CLPTM1: variants seen among roughly 807,000 people sequenced by gnomAD.
The protein encoded by CLPTM1 is CLPTM1 regulator of GABA type A receptor forward trafficking.
Under a neutral mutation model 77.3 loss-of-function variants are expected in CLPTM1, and 21 were observed. That is an observed-to-expected ratio of 0.27 (90% CI 0.19 to 0.39). CLPTM1 has a LOEUF of 0.39. CLPTM1 is among the 10% of genes least tolerant of loss of function. CLPTM1 has a pLI of 1.00. For synonymous variants in CLPTM1, 373 were observed against 381.0 expected, an observed-to-expected ratio of 0.98 and a Z score of 0.24; for missense variants, 642 against 921.2, an observed-to-expected ratio of 0.70 and a Z score of 3.92.
intron 2 of CLPTM1, among the ~76,000 whole-genome samples, chr19:44,972,301 G>A (rs1158587814): frequency 6.6e-6 from 1 of 151,100 alleles, no homozygotes; most frequent in Non-Finnish European, 1.5e-5. Flanking sequence ...AGGCTGGAGT[G>A]CAGTGGCGCG....
chr19:44,988,578 A>G (rs1971020357), intron 9 of CLPTM1, among the ~76,000 whole-genome samples: 1 of 152,164 alleles, frequency 6.6e-6, no homozygotes, highest in African/African-American at 2.4e-5. Flanking sequence ...CTGTCCCCCA[A>G]AGGTCCCTAG....
Position 44,992,468 on chromosome 19 carries a change from G to C in CLPTM1, c.1723+68G>C. On this transcript the variant is annotated intron_variant, in intron 13 of 13. Coordinates refer to ENST00000337392, the MANE Select transcript of CLPTM1 (RefSeq NM_001294.4). This position sits in a 1 kb window ranked among gnomAD's most constrained non-coding sequence, Gnocchi z 7.7. ...CCCTGAGGCAGTCTTTAGGGCCCAG[G>C]CCTGAGGGGGTGCCACGGCCCCAGA... 6.2e-7 allele frequency: 1 copy of C among 1,600,380 alleles called. No individual in the cohort carries two copies. Among genetic ancestry groups the C allele is most frequent in the African/African-American group, 1.3e-5 (1 of 74,696 alleles).
chr19:44,977,130 A>G (rs1165240182), intron 4 of CLPTM1, among the ~76,000 whole-genome samples: 1 of 152,124 alleles, frequency 6.6e-6, no homozygotes, highest in Non-Finnish European at 1.5e-5. Flanking sequence ...AGCTGAGCTC[A>G]CACGGCCATG....
chr19:44,967,084 A>G (rs1367889934), intron 2 of CLPTM1, among the ~76,000 whole-genome samples: 1 of 152,100 alleles, frequency 6.6e-6, no homozygotes, highest in Non-Finnish European at 1.5e-5. Flanking sequence ...CTCGCTATCC[A>G]CGCACCTCGG....
At chr19:44,966,952 C>T (rs1204952711) in intron 2 of CLPTM1, among the ~76,000 whole-genome samples, 2 of 152,108 alleles carry the variant, frequency 1.3e-5, no homozygotes, top group Non-Finnish European at 2.9e-5. Flanking sequence ...CGCCATTCTC[C>T]TGCCTCAGCC....
At chr19:44,967,408 C>T (rs957467330) in intron 2 of CLPTM1, among the ~76,000 whole-genome samples, 1 of 152,136 alleles carries the variant, frequency 6.6e-6, no homozygotes, top group South Asian at 2.1e-4. Flanking sequence ...CCTGTAATCC[C>T]AGCACTTTGG....
chr19:44,958,836 A>G (rs561095365), intron 1 of CLPTM1, among the ~76,000 whole-genome samples: 90 of 152,268 alleles, frequency 5.9e-4, no homozygotes, highest in African/African-American at 1.1e-3. Flanking sequence ...GCTGCTCCCA[A>G]TCCTAGGCAG....
intron 3 of CLPTM1, among the ~76,000 whole-genome samples, chr19:44,973,551 T>C (rs1469640674): frequency 6.6e-6 from 1 of 150,740 alleles, no homozygotes; most frequent in African/African-American, 2.4e-5. Flanking sequence ...GTGTGAGAGG[T>C]GGGGAGGGCA....
At position 44,992,425 on chromosome 19, in the gene CLPTM1, G is replaced by T. The variant is rs375008448; in HGVS notation, c.1723+25G>T. 4 of 1,613,408 alleles carry T rather than the reference G, an allele frequency of 2.5e-6. No homozygotes were observed. Among genetic ancestry groups the T allele is most frequent in the Non-Finnish European group, 1.7e-6 (2 of 1,179,650 alleles). Reference sequence around the variant, plus strand: ...GGTGAGGCCCGGTGGGCAGGTGGGAGCTCCCACCGGAACAGGGCCCTGAGG... The same window carrying T: ...GGTGAGGCCCGGTGGGCAGGTGGGATCTCCCACCGGAACAGGGCCCTGAGG... On this transcript the variant is annotated intron_variant, in intron 13 of 13. Coordinates refer to ENST00000337392, the MANE Select transcript of CLPTM1 (RefSeq NM_001294.4). This position sits in a 1 kb window ranked among gnomAD's most constrained non-coding sequence, Gnocchi z 7.7.
At chr19:44,982,346 C>CA (rs200485766) in intron 5 of CLPTM1, among the ~76,000 whole-genome samples, 106 of 132,804 alleles carry the variant, frequency 8.0e-4, no homozygotes, top group Middle Eastern at 3.8e-3. Flanking sequence ...GAGACTATGT[C>CA]AAAAAAAAAA....
chr19:44,991,874 C>G lies in CLPTM1; in HGVS notation c.1556-359C>G, dbSNP rs1378104314. On this transcript the variant is annotated intron_variant, in intron 12 of 13. Transcript: ENST00000337392. This position sits in a 1 kb window ranked among gnomAD's most constrained non-coding sequence, Gnocchi z 5.4. ...GAGCCATGATTACGCCACTGCACTC[C>G]AGCCTGGGTGACAGAGTGAGACCCT... 1.3e-5 allele frequency among the ~76,000 whole-genome samples: 2 copies of G among 152,076 alleles called. No individual in the cohort carries two copies. Among genetic ancestry groups the G allele is most frequent in the Admixed American group, 1.3e-4 (2 of 15,264 alleles).
intron 5 of CLPTM1, among the ~76,000 whole-genome samples, chr19:44,982,355 A>G (rs1970911503): frequency 6.6e-6 from 1 of 152,148 alleles, no homozygotes; most frequent in South Asian, 2.1e-4. Context: ...TCAAAAAAAA[A>G]AAAAAGGGTC....
Position 44,992,482 on chromosome 19 carries a change from C to T in CLPTM1, c.1723+82C>T. The T allele has an allele frequency of 1.3e-6, 2 of 1,592,950 alleles. No homozygotes were observed. The highest frequency in any genetic ancestry group is 1.1e-5 in the South Asian group (1 of 89,674). On this transcript the variant is annotated intron_variant, in intron 13 of 13. Transcript: ENST00000337392. This position sits in a 1 kb window ranked among gnomAD's most constrained non-coding sequence, Gnocchi z 7.7. ...TTAGGGCCCAGGCCTGAGGGGGTGC[C>T]ACGGCCCCAGATGGGGTGCTCAGTC...
intron 3 of CLPTM1, 143 bp downstream of exon 3, chr19:44,973,353 CTG>C: frequency 9.3e-7 from 1 of 1,071,444 alleles, no homozygotes; most frequent in African/African-American, 1.6e-5. Flanking sequence ...TTGAGGAACT[CTG>C]GGCCCATCCC....
intron 2 of CLPTM1, among the ~76,000 whole-genome samples, chr19:44,969,565 A>G (rs1184432178): frequency 6.6e-6 from 1 of 152,106 alleles, no homozygotes; most frequent in Non-Finnish European, 1.5e-5. Flanking sequence ...TGCCATTGCT[A>G]GGTTTTTCCC....
chr19:44,957,789 C>T, intron 1 of CLPTM1, among the ~76,000 whole-genome samples: 1 of 152,222 alleles, frequency 6.6e-6, no homozygotes, highest in African/African-American at 2.4e-5. Context: ...TAGCCAGGAA[C>T]TCGGACACAG....
Position 44,991,111 on chromosome 19 carries a change from C to G in CLPTM1, c.1420-127C>G. 1 of 1,501,042 alleles carries G rather than the reference C, an allele frequency of 6.7e-7. No homozygotes were observed. The highest frequency in any genetic ancestry group is 1.2e-5 in the South Asian group (1 of 82,306). 93.0% of individuals were successfully genotyped at this position (1,501,042 alleles called of 1,614,324 possible). On this transcript the variant is annotated intron_variant, in intron 11 of 13. Transcript: ENST00000337392. This position sits in a 1 kb window ranked among gnomAD's most constrained non-coding sequence, Gnocchi z 5.4. ...CTGCTTCCCTGGGCGAGTCCGGAGT[C>G]CCCAGGGCTACCTGGAAATTCCCCC...
At chr19:44,955,180 T>C (rs1416062231), upstream of CLPTM1, 1 of 1,535,090 alleles carries the variant, frequency 6.5e-7, no homozygotes, top group African/African-American at 1.4e-5. Flanking sequence ...GTGTTTTTAT[T>C]AGGTGGAAAC....
intron 5 of CLPTM1, among the ~76,000 whole-genome samples, chr19:44,978,060 G>T (rs1970833344): frequency 6.6e-6 from 1 of 150,990 alleles, no homozygotes; most frequent in Non-Finnish European, 1.5e-5. Flanking sequence ...CAGTGAGCCA[G>T]AATCACACCA....
Sources: gnomAD v4.1 joint callset for allele counts (sites outside exome capture counted in the v4.1 genomes callset) on GRCh38, gnomAD v4.1.1 for gene constraint, Gnocchi (gnomAD v3.1) non-coding constraint, MANE v1.5 for transcripts, NCBI Gene and HGNC (gene_info 2026-07-23, HGNC 2026-07-21) for gene names.